RPS6KC1: variants seen among roughly 807,000 people sequenced by gnomAD.
The protein encoded by RPS6KC1 is inactive ribosomal protein S6 kinase delta-1.
Under a neutral mutation model 103.8 loss-of-function variants are expected in RPS6KC1, and 54 were observed. The observed-to-expected ratio is 0.52, with a 90% CI of 0.42 to 0.65. The LOEUF (loss-of-function observed/expected upper bound fraction) is 0.65, where lower values mean the gene tolerates loss of function less well. Among genes scored for constraint, RPS6KC1 ranks in the 30% least tolerant of loss-of-function variants. The probability of loss-of-function intolerance (pLI) is 0.00; values close to 1 mark genes in which losing one functional copy is unlikely to be tolerated. For synonymous variants in RPS6KC1, 439 were observed against 438.7 expected (o/e 1.00, Z -0.01); for missense variants, 1,151 against 1,253.8 (o/e 0.92, Z 1.24).
intron 1 of RPS6KC1, among the ~76,000 whole-genome samples, chr1:213,063,216 A>G (rs1213358571): frequency 6.6e-6 from 1 of 152,244 alleles, no homozygotes; most frequent in African/African-American, 2.4e-5. Context: ...GTTGACTTGT[A>G]AGACAAAGGG....
At chr1:213,093,514 A>G (rs533020379) in intron 3 of RPS6KC1, among the ~76,000 whole-genome samples, 20 of 152,138 alleles carry the variant, frequency 1.3e-4, no homozygotes, top group Non-Finnish European at 1.8e-4. Context: ...CCAGCCAATC[A>G]TCTACCTTTT....
chr1:213,053,534 T>C (rs995477894), intron 1 of RPS6KC1, among the ~76,000 whole-genome samples: 1 of 152,224 alleles, frequency 6.6e-6, no homozygotes, highest in African/African-American at 2.4e-5. Flanking sequence ...ATACTCATAG[T>C]AGAAGAGAGT....
intron 1 of RPS6KC1, among the ~76,000 whole-genome samples, chr1:213,062,606 G>T (rs1331741812): frequency 6.6e-6 from 1 of 151,772 alleles, no homozygotes; most frequent in East Asian, 1.9e-4. Flanking sequence ...CACCAGGCTG[G>T]AGTACAGTGG....
At chr1:213,269,178 A>G (rs538881254) in intron 14 of RPS6KC1, among the ~76,000 whole-genome samples, 102 of 152,326 alleles carry the variant, frequency 6.7e-4, no homozygotes, top group African/African-American at 2.4e-3. Context: ...GCAATATTAA[A>G]TATCAGACAA....
the RPS6KC1 span, among the ~76,000 whole-genome samples, chr1:213,856,031 G>A: frequency 6.6e-6 from 1 of 152,188 alleles, no homozygotes; most frequent in Non-Finnish European, 1.5e-5. Flanking sequence ...ATTAGGTGAC[G>A]AGGGAGCCTG....
At chr1:213,347,842 C>T in the RPS6KC1 span, among the ~76,000 whole-genome samples, 8 of 152,154 alleles carry the variant, frequency 5.3e-5, no homozygotes, top group African/African-American at 1.9e-4. Context: ...GCAGACATGA[C>T]GTACCCCCAT....
At chr1:213,070,230 A>G (rs975983212) in intron 1 of RPS6KC1, among the ~76,000 whole-genome samples, 1 of 152,112 alleles carries the variant, frequency 6.6e-6, no homozygotes, top group African/African-American at 2.4e-5. Context: ...TCCCTTGTAC[A>G]CTTTGCCTAA....
At chr1:213,551,940 G>T in the RPS6KC1 span, among the ~76,000 whole-genome samples, 1 of 152,100 alleles carries the variant, frequency 6.6e-6, no homozygotes, top group African/African-American at 2.4e-5. Flanking sequence ...ATGTCATATA[G>T]TTTGGAATTA....
At chr1:213,803,382 G>T in the RPS6KC1 span, among the ~76,000 whole-genome samples, 1 of 151,870 alleles carries the variant, frequency 6.6e-6, no homozygotes, top group Non-Finnish European at 1.5e-5. Context: ...AAGTAGCTGG[G>T]ATTACAGGTG....
At chr1:213,509,691 C>A in the RPS6KC1 span, among the ~76,000 whole-genome samples, 1 of 152,180 alleles carries the variant, frequency 6.6e-6, no homozygotes, top group African/African-American at 2.4e-5. Context: ...AATGCCAATT[C>A]TTAGGTATCA....
chr1:213,564,230 G>T, the RPS6KC1 span, among the ~76,000 whole-genome samples: 19 of 151,750 alleles, frequency 1.3e-4, no homozygotes, highest in Non-Finnish European at 2.5e-4. Flanking sequence ...TAAAATTCTG[G>T]GTACACAGGC....
At chr1:213,080,690 G>A (rs1232973655) in intron 3 of RPS6KC1, among the ~76,000 whole-genome samples, 3 of 152,000 alleles carry the variant, frequency 2.0e-5, no homozygotes, top group African/African-American at 7.3e-5. Flanking sequence ...TCAGCCCCCC[G>A]AGTAGCTGGG....
the RPS6KC1 span, among the ~76,000 whole-genome samples, chr1:213,717,955 A>G: frequency 6.6e-6 from 1 of 152,154 alleles, no homozygotes; most frequent in Non-Finnish European, 1.5e-5. Context: ...TTCTCACAGC[A>G]GATCCCTACT....
chr1:213,125,518 T>C (rs2084878777), intron 5 of RPS6KC1, among the ~76,000 whole-genome samples: 1 of 152,082 alleles, frequency 6.6e-6, no homozygotes, highest in Admixed American at 6.6e-5. Context: ...AATTTTGCGC[T>C]TTTGATATGC....
At chr1:213,387,129 C>T in the RPS6KC1 span, among the ~76,000 whole-genome samples, 1 of 152,230 alleles carries the variant, frequency 6.6e-6, no homozygotes, top group Non-Finnish European at 1.5e-5. Context: ...GACAGTTCAA[C>T]AACCATGAAG....
the RPS6KC1 span, among the ~76,000 whole-genome samples, chr1:213,329,013 C>T: frequency 3.9e-3 from 589 of 152,246 alleles, 8 homozygotes; most frequent in African/African-American, 0.013. Flanking sequence ...CTAACCAGGG[C>T]GTGGTGCTGG....
chr1:213,055,799 T>C (rs558202481), intron 1 of RPS6KC1, among the ~76,000 whole-genome samples: 4 of 152,364 alleles, frequency 2.6e-5, no homozygotes, highest in East Asian at 3.9e-4. Flanking sequence ...CTTAATAATA[T>C]TGTCTCTGAT....
the RPS6KC1 span, among the ~76,000 whole-genome samples, chr1:213,495,052 C>T: frequency 1.3e-5 from 2 of 152,132 alleles, no homozygotes; most frequent in Non-Finnish European, 2.9e-5. Context: ...TACAGCCCAG[C>T]CTTGTGGTCT....
chr1:213,269,426 G>A (rs2094988595), intron 14 of RPS6KC1, among the ~76,000 whole-genome samples: 1 of 152,188 alleles, frequency 6.6e-6, no homozygotes, highest in African/African-American at 2.4e-5. Flanking sequence ...TGAACAAACT[G>A]TAACTGACAT....
Sources: allele counts gnomAD v4.1 joint callset (sites outside exome capture counted in the v4.1 genomes callset), GRCh38; gene constraint gnomAD v4.1.1; transcripts MANE v1.5; gene names NCBI Gene and HGNC (gene_info 2026-07-23, HGNC 2026-07-21).